CCDC39: variants seen among roughly 807,000 people sequenced by gnomAD.
CCDC39 encodes the protein coiled-coil domain 39 molecular ruler complex subunit.
Under a neutral mutation model 121.0 loss-of-function variants are expected in CCDC39, and 113 were observed. The ratio of observed to expected loss-of-function variants is 0.93; its 90% CI spans 0.80 to 1.09. CCDC39 has a LOEUF of 1.09. Ranked by LOEUF, CCDC39 falls within the 50% of genes least tolerant of loss-of-function variation. The probability of loss-of-function intolerance (pLI) is 0.00; values close to 1 mark genes in which losing one functional copy is unlikely to be tolerated. For synonymous variants in CCDC39, 349 were observed against 352.2 expected (o/e 0.99, Z 0.10); for missense variants, 1,063 against 1,074.7 (o/e 0.99, Z 0.15).
rs553666498 is a variant in CCDC39, at chr3:180,625,310, G to A, written c.1999-5340C>T. Among the ~76,000 whole-genome samples, 165 of 133,470 alleles carry A rather than the reference G, an allele frequency of 1.2e-3. 1 individual carries two copies. The highest frequency in any genetic ancestry group is 2.2e-3 in the Non-Finnish European group (136 of 61,086). The allele number at this position is 133,470 out of a possible 152,430, so 87.6% of individuals were successfully genotyped here. The stretch of plus-strand genomic sequence containing the variant: ...ATTCTCTCTGTTGCTTGTCTAGTCT[G>A]TTATTGACTCTTTCTTTTGCTTGTG... On this transcript the variant is annotated intron_variant, in intron 14 of 19. Transcript: ENST00000476379.
intron 1 of CCDC39, among the ~76,000 whole-genome samples, chr3:180,678,461 C>T (rs1021737262): frequency 2.0e-5 from 3 of 152,078 alleles, no homozygotes; most frequent in African/African-American, 7.2e-5. Context: ...CATATCACCA[C>T]CAAAGTTTTT....
chr3:180,642,310 T>A (rs1717973940), intron 12 of CCDC39, 109 bp from the exon 13 acceptor site: 1 of 571,946 alleles, frequency 1.7e-6, no homozygotes, highest in Admixed American at 3.6e-5. Flanking sequence ...TTTTCCAATT[T>A]AACCATTGAC....
At chr3:180,673,361 A>G (rs1409648247) in intron 1 of CCDC39, among the ~76,000 whole-genome samples, 1 of 152,226 alleles carries the variant, frequency 6.6e-6, no homozygotes, top group Non-Finnish European at 1.5e-5. Flanking sequence ...ATTTTTAAAA[A>G]TTGGCACAGC....
rs1717297588 is a variant in CCDC39, at chr3:180,617,610, AAAATT to A, written c.2266-649_2266-645del. 7.3e-6 allele frequency: 3 copies of A among 410,884 alleles called. No homozygotes were observed. The Admixed American group carries it at 1.3e-4, about 18-fold the overall frequency. 25.5% of individuals were successfully genotyped at this position (410,884 alleles called of 1,614,324 possible). On this transcript the variant is annotated intron_variant, in intron 16 of 19. Transcript: ENST00000476379. ...TGTATGTGTCTTAGTTTTTAACAAA[AAAATT>A]AAAAAGTAAAAAAACTAAAAATAGA...
At chr3:180,661,586 G>A (rs1333372573) in intron 3 of CCDC39, among the ~76,000 whole-genome samples, 1 of 151,882 alleles carries the variant, frequency 6.6e-6, no homozygotes, top group Non-Finnish European at 1.5e-5. Context: ...TATAAACCAC[G>A]CCTAGTATTT....
chr3:180,651,697 C>T (rs1430284543), intron 8 of CCDC39, among the ~76,000 whole-genome samples, 164 bp from the exon 9 acceptor site: 1 of 152,116 alleles, frequency 6.6e-6, no homozygotes, highest in South Asian at 2.1e-4. Flanking sequence ...AATATGGCTT[C>T]TGAGTCTTTG....
At chr3:180,669,044 G>A (rs999289516) in intron 1 of CCDC39, among the ~76,000 whole-genome samples, 4 of 152,138 alleles carry the variant, frequency 2.6e-5, no homozygotes, top group South Asian at 2.1e-4. Flanking sequence ...ATGCATGTTC[G>A]TATGTGAGAG....
At chr3:180,634,022 G>T (rs1717765010) in intron 13 of CCDC39, among the ~76,000 whole-genome samples, 1 of 152,048 alleles carries the variant, frequency 6.6e-6, no homozygotes, top group Admixed American at 6.6e-5. Flanking sequence ...AACAGCCTGA[G>T]GACTATGCCT....
In CCDC39 at chr3:180,659,688, T is replaced by C. The variant is rs1371196034; in HGVS notation, c.598A>G (p.Ile200Val). The C allele has an allele frequency of 3.7e-6, 6 of 1,610,424 alleles. No homozygotes were observed. Among genetic ancestry groups the C allele is most frequent in the East Asian group, 4.5e-5 (2 of 44,738 alleles). The part of the protein sequence containing the change: ...KILDNELTET[I>V]SAQLELDKAA... ...TTCCTTAAACTAACCTGTGCGCTTA[T>C]AGTCTCTGTAAGTTCGTTGTCAAGT... Residue 200 changes from isoleucine (I) to valine (V), a missense_variant, in exon 5 of 20, where the codon ATA becomes GTA. Coordinates refer to ENST00000476379, the MANE Select transcript of CCDC39 (RefSeq NM_181426.2).
At chr3:180,639,613 T>C (rs970246491) in intron 13 of CCDC39, among the ~76,000 whole-genome samples, 3 of 151,966 alleles carry the variant, frequency 2.0e-5, no homozygotes, top group Non-Finnish European at 4.4e-5. Context: ...ATAATGGACT[T>C]TGGGGACTTG....
intron 1 of CCDC39, among the ~76,000 whole-genome samples, chr3:180,668,235 C>T (rs1022289024): frequency 3.9e-5 from 6 of 151,996 alleles, no homozygotes; most frequent in South Asian, 2.1e-4. Flanking sequence ...AAAAATTAGC[C>T]GGGTATGGTG....
At chr3:180,647,932 C>G (rs932954515) in intron 10 of CCDC39, among the ~76,000 whole-genome samples, 3 of 151,934 alleles carry the variant, frequency 2.0e-5, no homozygotes, top group African/African-American at 4.8e-5. Context: ...AAACACGGTT[C>G]TCCCTCACTA....
At chr3:180,670,044 A>G (rs772036265) in intron 1 of CCDC39, among the ~76,000 whole-genome samples, 1 of 152,138 alleles carries the variant, frequency 6.6e-6, no homozygotes, top group Non-Finnish European at 1.5e-5. Context: ...CACTGAATTA[A>G]CGAATCGATC....
chr3:180,628,185 A>ACTT (rs1717607708), intron 14 of CCDC39, among the ~76,000 whole-genome samples: 1 of 152,144 alleles, frequency 6.6e-6, no homozygotes, highest in South Asian at 2.1e-4. Context: ...TTCATCTTGG[A>ACTT]CTTCTAGACT....
At chr3:180,657,399 G>A (rs1372815577) in intron 6 of CCDC39, among the ~76,000 whole-genome samples, 1 of 152,126 alleles carries the variant, frequency 6.6e-6, no homozygotes, top group Non-Finnish European at 1.5e-5. Flanking sequence ...TTAGCCATGG[G>A]GTTGTATGAG....
At chr3:180,630,366 TA>T (rs1483432383) in intron 14 of CCDC39, among the ~76,000 whole-genome samples, 1 of 152,036 alleles carries the variant, frequency 6.6e-6, no homozygotes, top group Non-Finnish European at 1.5e-5. Context: ...TGATTTCTCA[TA>T]GGGAAGGCAG....
chr3:180,637,743 C>T lies in CCDC39; in HGVS notation c.1874+4250G>A, dbSNP rs376432723. On this transcript the variant is annotated intron_variant, in intron 13 of 19. Transcript: ENST00000476379. ...CATATATACACCATGGAATACAATGCAGCCATAAAAAAGAATAAGATCTTG... is the reference window on the plus strand; with the variant it reads ...CATATATACACCATGGAATACAATGTAGCCATAAAAAAGAATAAGATCTTG... Among the ~76,000 whole-genome samples the T allele has an allele frequency of 3.0e-4, 45 of 152,242 alleles. 1 individual carries two copies. In the South Asian group the frequency reaches 8.9e-3, roughly 30 times the overall value.
chr3:180,678,966 G>A (rs1456377936), intron 1 of CCDC39, among the ~76,000 whole-genome samples: 1 of 152,092 alleles, frequency 6.6e-6, no homozygotes, highest in Non-Finnish European at 1.5e-5. Context: ...TTTTGAGCAA[G>A]GAAAAAGCGG....
At chr3:180,647,266 AG>A in intron 10 of CCDC39, 23 bp from the exon 11 acceptor site, 4 of 1,510,196 alleles carry the variant, frequency 2.6e-6, no homozygotes, top group Non-Finnish European at 3.5e-6. Context: ...AAAAAAAAAA[AG>A]GTATTACAAA....
Sources: gnomAD v4.1 joint callset for allele counts (sites outside exome capture counted in the v4.1 genomes callset) on GRCh38, gnomAD v4.1.1 for gene constraint, MANE v1.5 for transcripts, NCBI Gene and HGNC (gene_info 2026-07-23, HGNC 2026-07-21) for gene names.